LCT: variants seen among roughly 807,000 people sequenced by gnomAD.
LCT encodes lactase/phlorizin hydrolase.
LCT carries 90 observed loss-of-function variants against 173.0 expected under a neutral mutation model. That is an observed-to-expected ratio of 0.52 (90% CI 0.44 to 0.62). LCT has a LOEUF of 0.62. Ranked by LOEUF, LCT falls within the 20% of genes least tolerant of loss-of-function variation. LCT has a pLI of 0.00. For synonymous variants in LCT, 853 were observed against 957.6 expected, an observed-to-expected ratio of 0.89 and a Z score of 2.02; for missense variants, 1,864 against 2,431.4, an observed-to-expected ratio of 0.77 and a Z score of 4.91.
chr2:135,830,179 T>C (rs1334512745), intron 2 of LCT, among the ~76,000 whole-genome samples: 3 of 152,118 alleles, frequency 2.0e-5, no homozygotes, highest in Non-Finnish European at 4.4e-5. Flanking sequence ...CACCCCCAGT[T>C]ATCCCTAGCC....
intron 1 of LCT, among the ~76,000 whole-genome samples, chr2:135,836,165 C>G (rs936383402): frequency 3.0e-4 from 45 of 151,574 alleles, no homozygotes; most frequent in African/African-American, 8.3e-4. Context: ...ATCACAGGCG[C>G]CTGCTACCAT....
At chr2:135,807,434 A>T in intron 8 of LCT, 38 bp from the exon 9 acceptor site, 3 of 1,610,056 alleles carry the variant, frequency 1.9e-6, no homozygotes. Flanking sequence ...AGAGCTTGAC[A>T]CCAGGAGTCA....
At chr2:135,805,104 T>A (rs1311689097) in intron 9 of LCT, 47 bp from the exon 10 acceptor site, 12 of 1,558,940 alleles carry the variant, frequency 7.7e-6, no homozygotes, top group Non-Finnish European at 1.1e-5. Context: ...AGTCAAGCAC[T>A]CACAGCCTCC....
chr2:135,810,017 A>C (rs2077721665), intron 7 of LCT, 24 bp from the exon 8 acceptor site: 1 of 1,438,686 alleles, frequency 7.0e-7, no homozygotes. Flanking sequence ...TAAAAATTAG[A>C]TTTATTTATT....
intron 12 of LCT, 59 bp downstream of exon 12, chr2:135,800,548 A>G (rs1162843434): frequency 7.2e-7 from 1 of 1,385,358 alleles, no homozygotes; most frequent in South Asian, 1.2e-5. Flanking sequence ...ATCTGTTTCC[A>G]TTAGGCTGGA....
At chr2:135,832,189 C>G (rs1220240724) in intron 2 of LCT, among the ~76,000 whole-genome samples, 1 of 151,650 alleles carries the variant, frequency 6.6e-6, no homozygotes, top group Non-Finnish European at 1.5e-5. Context: ...GCACTCCAGC[C>G]TGGGCAACAA....
chr2:135,803,819 T>A, intron 11 of LCT, 111 bp downstream of exon 11: 2 of 947,060 alleles, frequency 2.1e-6, no homozygotes, highest in South Asian at 2.8e-5. Context: ...AGGCAGGGTT[T>A]CTGCCATGGG....
chr2:135,830,877 G>T (rs143771950), intron 2 of LCT, among the ~76,000 whole-genome samples: 1 of 152,336 alleles, frequency 6.6e-6, no homozygotes, highest in African/African-American at 2.4e-5. Context: ...TTCACATTTA[G>T]AGATAAATAA....
chr2:135,803,572 C>G (rs897557741), intron 11 of LCT, among the ~76,000 whole-genome samples: 2 of 152,172 alleles, frequency 1.3e-5, no homozygotes, highest in East Asian at 3.9e-4. Flanking sequence ...TCAGCCAAAC[C>G]AATTGTCAGA....
intron 6 of LCT, among the ~76,000 whole-genome samples, chr2:135,814,948 T>C (rs534231864): frequency 6.6e-5 from 10 of 152,198 alleles, no homozygotes; most frequent in African/African-American, 2.2e-4. Context: ...TGAGGGGTGA[T>C]TAGATTTAGA....
chr2:135,808,965 A>G lies in LCT; in HGVS notation c.3382T>C (p.Trp1128Arg). ...GVISLSLSTH[W>R]AEPKSPGVPR... Reference sequence around the variant, plus strand: ...ACCCCTGGTGACTTGGGCTCTGCCCAGTGTGTACTGAGGCTCAGCGAGATG... The same window carrying G: ...ACCCCTGGTGACTTGGGCTCTGCCCGGTGTGTACTGAGGCTCAGCGAGATG... The change falls in exon 8 of 17, where the codon TGG becomes CGG. Residue 1128 changes from tryptophan to arginine, a missense_variant. Around this residue, in one of 4 missense-constraint regions of LCT, gnomAD observed 755 missense variants for 926.3 expected, o/e 0.82. Transcript: ENST00000264162. 2 of 1,613,670 alleles carry G rather than the reference A, an allele frequency of 1.2e-6. No homozygotes were observed. Among genetic ancestry groups the G allele is most frequent in the Non-Finnish European group, 1.7e-6 (2 of 1,179,650 alleles).
In LCT at chr2:135,790,159, A is replaced by T. The variant is rs554315188; in HGVS notation, c.5336-361T>A. ...AGAAAATAGCCCTTAGATAGAATAT[A>T]TTTCAGCTGGGTAGGATTTTTCTAA... On this transcript the variant is annotated intron_variant, in intron 15 of 16. Transcript: ENST00000264162. This position sits in a 1 kb window ranked among gnomAD's most constrained non-coding sequence, Gnocchi z 4.1. 6.6e-6 allele frequency among the ~76,000 whole-genome samples: 1 copy of T among 152,288 alleles called. No individual in the cohort carries two copies. The highest frequency in any genetic ancestry group is 1.9e-4 in the East Asian group (1 of 5,172).
chr2:135,822,934 G>A (rs1423776583), intron 4 of LCT: 1 of 152,362 alleles, frequency 6.6e-6, no homozygotes, highest in East Asian at 1.9e-4. Flanking sequence ...TGCTTCTGGT[G>A]TTTTATCTGT....
chr2:135,808,602 CA>C lies in LCT; in HGVS notation c.3744del (p.Ala1249ArgfsTer9). On this transcript the variant is annotated frameshift_variant, in exon 8 of 17. Coordinates refer to ENST00000264162, the MANE Select transcript of LCT (RefSeq NM_002299.4). LOFTEE classifies it high-confidence loss of function. ...PSWPSTAMNR[A>X]APWGTRRLLN... ...AGCAGCCTTCGCGTCCCCCAGGGCG[CA>C]GCTCTGTTCATTGCCGTGGAAGGCC... 6.2e-7 allele frequency: 1 copy of C among 1,614,256 alleles called. No individual in the cohort carries two copies.
chr2:135,800,748 A>G lies in LCT; in HGVS notation c.4725T>C (p.His1575=). ...YIVGHNLIKA[H]AEAWHLYNDV... ...CGTTGTACAGATGCCAGGCCTCAGC[A>G]TGAGCCTTTATTAGATTGTGGCCAA... Residue 1575 remains histidine, a synonymous_variant, in exon 12 of 17, where the codon CAT becomes CAC. Transcript: ENST00000264162. The G allele has an allele frequency of 6.2e-7, 1 of 1,614,188 alleles. No homozygotes were observed. Among genetic ancestry groups the G allele is most frequent in the Non-Finnish European group, 8.5e-7 (1 of 1,180,032 alleles).
chr2:135,831,892 C>A (rs1169581339), intron 2 of LCT, among the ~76,000 whole-genome samples: 2 of 152,178 alleles, frequency 1.3e-5, no homozygotes, highest in African/African-American at 2.4e-5. Context: ...AAGCTGTTCA[C>A]TTCCCAGATT....
chr2:135,821,791 G>A (rs566538931), intron 5 of LCT: 17 of 538,866 alleles, frequency 3.2e-5, no homozygotes, highest in African/African-American at 1.3e-4. Context: ...TGCTAGTTGC[G>A]CACAGTTGGG....
chr2:135,820,552 C>T (rs1269112131), intron 5 of LCT: 1 of 152,334 alleles, frequency 6.6e-6, no homozygotes, highest in Non-Finnish European at 1.5e-5. Context: ...GGATATGGCT[C>T]AGGACAGTCA....
At chr2:135,831,199 G>A (rs964113011) in intron 2 of LCT, among the ~76,000 whole-genome samples, 3 of 152,200 alleles carry the variant, frequency 2.0e-5, no homozygotes, top group Non-Finnish European at 4.4e-5. Flanking sequence ...GGTGAGTGAG[G>A]GAGTGTTACT....
Sources: gnomAD v4.1 joint callset for allele counts (sites outside exome capture counted in the v4.1 genomes callset) on GRCh38, gnomAD v4.1.1 for gene constraint, gnomAD v4.1.1 regional missense constraint, Gnocchi (gnomAD v3.1) non-coding constraint, MANE v1.5 for transcripts, NCBI Gene and HGNC (gene_info 2026-07-23, HGNC 2026-07-21) for gene names.